The following NSMCE2 variants were observed in gnomAD, a reference collection of about 807,000 sequenced individuals.
The protein encoded by NSMCE2 is E3 SUMO-protein ligase NSE2.
A neutral mutation model predicts 23.8 loss-of-function variants in NSMCE2; 24 were observed. The ratio of observed to expected loss-of-function variants is 1.01; its 90% CI spans 0.73 to 1.42. The LOEUF (loss-of-function observed/expected upper bound fraction) is 1.42. Ranked by LOEUF, NSMCE2 falls within the 40% of genes most tolerant of loss-of-function variation. The probability of loss-of-function intolerance (pLI) is 0.00; values close to 1 mark genes in which losing one functional copy is unlikely to be tolerated. For synonymous variants in NSMCE2, 92 were observed against 94.1 expected (o/e 0.98, Z 0.13); for missense variants, 284 against 296.5 (o/e 0.96, Z 0.31).
chr8:125,212,146 A>C (rs903656889), intron 5 of NSMCE2, among the ~76,000 whole-genome samples: 3 of 152,204 alleles, frequency 2.0e-5, no homozygotes, highest in African/African-American at 7.2e-5. Flanking sequence ...TAACATTGTC[A>C]GTATCTGTTG....
intron 5 of NSMCE2, among the ~76,000 whole-genome samples, chr8:125,285,855 G>C (rs775828264): frequency 6.6e-6 from 1 of 151,876 alleles, no homozygotes; most frequent in Non-Finnish European, 1.5e-5. Flanking sequence ...TTACAGATGA[G>C]GTAACTGAAG....
intron 5 of NSMCE2, among the ~76,000 whole-genome samples, chr8:125,212,270 T>C (rs1043112478): frequency 6.6e-6 from 1 of 152,144 alleles, no homozygotes; most frequent in African/African-American, 2.4e-5. Flanking sequence ...TATGACCTGT[T>C]TTCTGGTAGC....
At chr8:125,325,236 G>A (rs1348590400) in intron 5 of NSMCE2, among the ~76,000 whole-genome samples, 1 of 151,932 alleles carries the variant, frequency 6.6e-6, no homozygotes, top group East Asian at 1.9e-4. Flanking sequence ...CACTATGATA[G>A]TGCCTGTGAA....
At chr8:125,150,190 G>A (rs1048471086) in intron 3 of NSMCE2, among the ~76,000 whole-genome samples, 1 of 152,106 alleles carries the variant, frequency 6.6e-6, no homozygotes, top group Non-Finnish European at 1.5e-5. Flanking sequence ...TCGGTCCCAG[G>A]CAGCAGGGAG....
At chr8:125,176,849 C>G (rs999185658) in intron 4 of NSMCE2, among the ~76,000 whole-genome samples, 11 of 152,228 alleles carry the variant, frequency 7.2e-5, no homozygotes, top group Admixed American at 2.6e-4. Flanking sequence ...CAGCTTTCCT[C>G]TTACCTGGGA....
chr8:125,245,061 C>T (rs770026567), intron 5 of NSMCE2, among the ~76,000 whole-genome samples: 1 of 152,186 alleles, frequency 6.6e-6, no homozygotes, highest in Non-Finnish European at 1.5e-5. Context: ...GGCAGCAGAT[C>T]ACCTGAGGTC....
intron 5 of NSMCE2, among the ~76,000 whole-genome samples, chr8:125,273,300 T>C (rs1222117708): frequency 2.0e-5 from 3 of 152,204 alleles, no homozygotes; most frequent in African/African-American, 7.2e-5. Flanking sequence ...CAGCCATCAG[T>C]GTGTGCCTTC....
intron 5 of NSMCE2, among the ~76,000 whole-genome samples, chr8:125,224,254 C>T (rs1052627506): frequency 3.9e-5 from 6 of 152,296 alleles, no homozygotes; most frequent in Admixed American, 2.0e-4. Flanking sequence ...CCTCCCAACC[C>T]GTGAATTGTC....
chr8:125,189,716 A>G (rs1049948755), intron 5 of NSMCE2, among the ~76,000 whole-genome samples: 1 of 152,254 alleles, frequency 6.6e-6, no homozygotes, highest in Non-Finnish European at 1.5e-5. Context: ...TTGAGATCTA[A>G]AATCAGTAGA....
chr8:125,239,383 C>A (rs945213237), intron 5 of NSMCE2, among the ~76,000 whole-genome samples: 2 of 151,978 alleles, frequency 1.3e-5, no homozygotes, highest in African/African-American at 4.8e-5. Context: ...CCAGGGTGGG[C>A]AGATCACTTG....
At chr8:125,240,002 A>G (rs1825706879) in intron 5 of NSMCE2, among the ~76,000 whole-genome samples, 2 of 152,002 alleles carry the variant, frequency 1.3e-5, no homozygotes, top group South Asian at 4.2e-4. Flanking sequence ...TCTCTTTCCT[A>G]CTGTTGAGGG....
chr8:125,136,700 A>C (rs958568581), intron 3 of NSMCE2, among the ~76,000 whole-genome samples: 3 of 145,762 alleles, frequency 2.1e-5, no homozygotes, highest in African/African-American at 8.5e-5. Context: ...CCATTATAGA[A>C]GTAGTTTACT....
chr8:125,365,803 G>A (rs1377259981), intron 7 of NSMCE2, among the ~76,000 whole-genome samples: 1 of 152,156 alleles, frequency 6.6e-6, no homozygotes, highest in Non-Finnish European at 1.5e-5. Context: ...GTTGCAGTGA[G>A]CTGAGATCAC....
intron 5 of NSMCE2, among the ~76,000 whole-genome samples, chr8:125,186,847 A>C (rs1178098387): frequency 6.6e-6 from 1 of 152,160 alleles, no homozygotes; most frequent in Non-Finnish European, 1.5e-5. Flanking sequence ...GATATACTAC[A>C]CTCATTTAGA....
chr8:125,219,493 C>G (rs1824752839), intron 5 of NSMCE2, among the ~76,000 whole-genome samples: 1 of 152,168 alleles, frequency 6.6e-6, no homozygotes, highest in African/African-American at 2.4e-5. Flanking sequence ...CTGCCTAGAG[C>G]TTGACATTGA....
chr8:125,260,244 G>A (rs1045774142), intron 5 of NSMCE2, among the ~76,000 whole-genome samples: 1 of 152,188 alleles, frequency 6.6e-6, no homozygotes, highest in African/African-American at 2.4e-5. Context: ...TGACTACCTG[G>A]AAGAATCTAG....
intron 7 of NSMCE2, among the ~76,000 whole-genome samples, chr8:125,364,764 G>A (rs1211745546): frequency 6.6e-6 from 1 of 152,196 alleles, no homozygotes; most frequent in Non-Finnish European, 1.5e-5. Flanking sequence ...GAGGATCTGG[G>A]AGGGAATTAA....
intron 4 of NSMCE2, among the ~76,000 whole-genome samples, chr8:125,173,630 A>G (rs1822333511): frequency 6.6e-6 from 1 of 152,220 alleles, no homozygotes; most frequent in African/African-American, 2.4e-5. Flanking sequence ...GCATTCAGTC[A>G]TTCTGTGGAT....
At chr8:125,169,532 C>T (rs1389039221) in intron 4 of NSMCE2, among the ~76,000 whole-genome samples, 1 of 152,126 alleles carries the variant, frequency 6.6e-6, no homozygotes, top group Non-Finnish European at 1.5e-5. Flanking sequence ...AATCTGTTGT[C>T]GTCCTTACTT....
Sources: allele counts gnomAD v4.1 joint callset (sites outside exome capture counted in the v4.1 genomes callset), GRCh38; gene constraint gnomAD v4.1.1; transcripts MANE v1.5; gene names NCBI Gene and HGNC (gene_info 2026-07-23, HGNC 2026-07-21).